UGT1A9: variants seen among roughly 807,000 people sequenced by gnomAD.
UGT1A9 encodes the protein UDP-glucuronosyltransferase 1A9.
Under a neutral mutation model 45.0 loss-of-function variants are expected in UGT1A9, and 35 were observed. That is an observed-to-expected ratio of 0.78 (90% CI 0.59 to 1.03). UGT1A9 has a LOEUF of 1.03. Ranked by LOEUF, UGT1A9 falls within the 50% of genes least tolerant of loss-of-function variation. UGT1A9 has a pLI of 0.00. For missense variants in UGT1A9, 687 were observed against 666.6 expected (o/e 1.03, Z -0.34); for synonymous variants, 278 against 250.6 (o/e 1.11, Z -1.03).
intron 1 of UGT1A9, chr2:233,719,562 C>A (rs1164668665): frequency 9.9e-6 from 16 of 1,613,782 alleles, no homozygotes; most frequent in African/African-American, 1.3e-5. Flanking sequence ...AGTGGTGGAT[C>A]TTGTCAGCTA....
Position 233,672,757 on chromosome 2 carries a change from A to G in UGT1A9, c.823A>G (p.Ile275Val). Residue 275 changes from isoleucine to valine, a missense_variant, in exon 1 of 5, where the codon ATC (isoleucine) becomes GTC (valine). Coordinates refer to ENST00000354728, the MANE Select transcript of UGT1A9 (RefSeq NM_021027.3). ...VMPNMIFIGG[I>V]NCHQGKPLPM... The stretch of plus-strand genomic sequence containing the variant: ...GCCCAACATGATCTTCATTGGTGGT[A>G]TCAACTGCCATCAGGGAAAGCCGTT... 6.2e-7 allele frequency: 1 copy of G among 1,613,860 alleles called. No individual in the cohort carries two copies. Among genetic ancestry groups the G allele is most frequent in the Non-Finnish European group, 8.5e-7 (1 of 1,179,772 alleles).
chr2:233,767,130 G>A lies in UGT1A9; in HGVS notation c.952G>A (p.Ala318Thr). The A allele has an allele frequency of 6.2e-7, 1 of 1,614,080 alleles. No individual in the cohort carries two copies. The highest frequency in any genetic ancestry group is 8.5e-7 in the Non-Finnish European group (1 of 1,180,012). The change falls in exon 2 of 5, where the codon GCA (alanine) becomes ACA (threonine). Residue 318 changes from alanine (A) to threonine (T), a missense_variant. Ala to Thr is a moderately conservative substitution (Grantham distance 58). Coordinates refer to ENST00000354728, the MANE Select transcript of UGT1A9 (RefSeq NM_021027.3). ...VSEIPEKKAM[A>T]IADALGKIPQ... ...AGAAATTCCAGAGAAGAAAGCTATGGCAATTGCTGATGCTTTGGGCAAAAT... is the reference window on the plus strand; with the variant it reads ...AGAAATTCCAGAGAAGAAAGCTATGACAATTGCTGATGCTTTGGGCAAAAT...
intron 1 of UGT1A9, among the ~76,000 whole-genome samples, chr2:233,703,748 A>C (rs2075751541): frequency 1.3e-5 from 2 of 152,070 alleles, no homozygotes; most frequent in Admixed American, 1.3e-4. Flanking sequence ...TTTAAATCTC[A>C]AATGTATCTT....
At chr2:233,707,504 A>G (rs1253461322) in intron 1 of UGT1A9, among the ~76,000 whole-genome samples, 1 of 148,816 alleles carries the variant, frequency 6.7e-6, no homozygotes, top group Non-Finnish European at 1.5e-5. Flanking sequence ...GGTACTTAAC[A>G]TAAATAGAAT....
intron 1 of UGT1A9, chr2:233,713,287 C>T (rs28946880): frequency 3.7e-6 from 6 of 1,614,228 alleles, no homozygotes; most frequent in Non-Finnish European, 5.1e-6. Context: ...CACACTCAAT[C>T]GTTCTTTGAA....
rs1692776441 is a variant in UGT1A9 at position 233,744,329 on chromosome 2, T to A, written c.856-22705T>A. ...AGGGAAGAGGGTGGTGGGAGTGAGT[T>A]TAGTCTGACTGGGGCTGAAGACATC... On this transcript the variant is annotated intron_variant, in intron 1 of 4. Transcript: ENST00000354728. 1.3e-5 allele frequency among the ~76,000 whole-genome samples: 2 copies of A among 151,824 alleles called. 1 individual carries two copies. The highest frequency in any genetic ancestry group is 4.9e-5 in the African/African-American group (2 of 41,084).
At chr2:233,679,313 C>G (rs1461081979) in intron 1 of UGT1A9, among the ~76,000 whole-genome samples, 1 of 152,196 alleles carries the variant, frequency 6.6e-6, no homozygotes, top group African/African-American at 2.4e-5. Flanking sequence ...TGGAACCAAT[C>G]CAGAAAACGC....
At chr2:233,691,848 T>C (rs2075060347) in intron 1 of UGT1A9, 1 of 159,620 alleles carries the variant, frequency 6.3e-6, no homozygotes, top group Admixed American at 6.5e-5. Flanking sequence ...TGTTGTTATA[T>C]TGTGATGTAT....
At chr2:233,724,302 T>G (rs1575551867) in intron 1 of UGT1A9, among the ~76,000 whole-genome samples, 1 of 123,338 alleles carries the variant, frequency 8.1e-6, no homozygotes, top group African/African-American at 3.2e-5. Context: ...CCCCCCCACC[T>G]CCCTCCCGGA....
intron 1 of UGT1A9, chr2:233,743,590 T>C: frequency 1.5e-6 from 2 of 1,367,294 alleles, no homozygotes; most frequent in South Asian, 1.1e-5. Context: ...CAAAGGAGAA[T>C]GGGTCCTGGC....
rs879478240 is a variant in UGT1A9 at position 233,725,179 on chromosome 2, GAGAGGC to G, written c.856-41819_856-41814del. Among the ~76,000 whole-genome samples the G allele has an allele frequency of 4.9e-3, 330 of 67,596 alleles. 71 individuals are homozygous for G. The highest frequency in any genetic ancestry group is 0.014 in the Middle Eastern group (2 of 144). 44.3% of individuals were successfully genotyped at this position (67,596 alleles called of 152,430 possible). On this transcript the variant is annotated intron_variant, in intron 1 of 4. Transcript: ENST00000354728. Reference sequence around the variant, plus strand: ...CTCTGCATGAGAGGGAGACCGTGGGGAGAGGCAGAGGCAGAGGCAGAGGCAGAGGCA... The same window carrying G: ...CTCTGCATGAGAGGGAGACCGTGGGGAGAGGCAGAGGCAGAGGCAGAGGCA...
chr2:233,768,435 A>G lies in UGT1A9; in HGVS notation c.1291A>G (p.Lys431Glu), dbSNP rs1699610425. Residue 431 changes from lysine to glutamate, a missense_variant, in exon 4 of 5, where the codon AAA becomes GAA. Physicochemically the swap from Lys to Glu is moderately conservative, Grantham distance 56. Transcript: ENST00000354728. ...ENALKAVINDKSYKENIMRLS... is the reference protein window; with the variant it reads ...ENALKAVINDESYKENIMRLS... ...TGCTCTAAAAGCAGTCATCAATGAC[A>G]AAAGGTAAGAAAGAAGATACAGAAG... 1.2e-6 allele frequency: 2 copies of G among 1,613,666 alleles called. No individual in the cohort carries two copies. The highest frequency in any genetic ancestry group is 1.7e-6 in the Non-Finnish European group (2 of 1,179,762).
chr2:233,724,264 C>T (rs1250827727), intron 1 of UGT1A9, among the ~76,000 whole-genome samples: 29 of 116,506 alleles, frequency 2.5e-4, no homozygotes, highest in African/African-American at 4.8e-4. Flanking sequence ...ACCTCCCGGA[C>T]GGGGCGGCTG....
At chr2:233,730,719 C>T (rs141253229) in intron 1 of UGT1A9, among the ~76,000 whole-genome samples, 4 of 152,168 alleles carry the variant, frequency 2.6e-5, no homozygotes, top group Non-Finnish European at 4.4e-5. Flanking sequence ...CTGAAATTAT[C>T]AAGAAATGGC....
At chr2:233,719,408 G>A (rs762624701) in intron 1 of UGT1A9, 11 of 1,613,826 alleles carry the variant, frequency 6.8e-6, no homozygotes, top group African/African-American at 5.3e-5. Flanking sequence ...ATATTCCTAA[G>A]TTACTAACGA....
Position 233,769,516 on chromosome 2 carries a change from G to C in UGT1A9, c.1295+1077G>C. 1 of 1,612,814 alleles carries C rather than the reference G, an allele frequency of 6.2e-7. No individual in the cohort carries two copies. Reference sequence around the variant, plus strand: ...GAGAGTGTCCATTGCTTTCTCCCATGGTTACCTCCTTTAGAAAGAAGCAGC... The same window carrying C: ...GAGAGTGTCCATTGCTTTCTCCCATCGTTACCTCCTTTAGAAAGAAGCAGC... On this transcript the variant is annotated intron_variant, in intron 4 of 4. Coordinates refer to ENST00000354728, the MANE Select transcript of UGT1A9 (RefSeq NM_021027.3). The surrounding 1 kb of genome is among the most constrained non-coding windows in gnomAD (Gnocchi z 4.4).
At chr2:233,743,408 C>T in intron 1 of UGT1A9, 1 of 1,315,376 alleles carries the variant, frequency 7.6e-7, no homozygotes. Flanking sequence ...GAAAGGCCCC[C>T]ACTTCCCAGG....
rs531565456 is a variant in UGT1A9 at position 233,748,436 on chromosome 2, T to C, written c.856-18598T>C. On this transcript the variant is annotated intron_variant, in intron 1 of 4. Coordinates refer to ENST00000354728, the MANE Select transcript of UGT1A9 (RefSeq NM_021027.3). ...AGACTTGACCCATCTGGATTTTTTG[T>C]TTGCACAATTTTCAGGGGAAAGATG... Among the ~76,000 whole-genome samples the C allele has an allele frequency of 2.0e-5, 3 of 151,942 alleles. No individual in the cohort carries two copies. In the East Asian group the frequency reaches 5.8e-4, roughly 29 times the overall value.
At chr2:233,692,888 G>T in intron 1 of UGT1A9, 1 of 1,520,238 alleles carries the variant, frequency 6.6e-7, no homozygotes. Flanking sequence ...TCAGAGCAAG[G>T]GAGAGGTAGA....
Sources: allele counts gnomAD v4.1 joint callset (sites outside exome capture counted in the v4.1 genomes callset), GRCh38; gene constraint gnomAD v4.1.1; non-coding constraint Gnocchi (gnomAD v3.1); transcripts MANE v1.5; gene names NCBI Gene and HGNC (gene_info 2026-07-23, HGNC 2026-07-21).